IQGAP2: variants seen among roughly 807,000 people sequenced by gnomAD.
The protein encoded by IQGAP2 is IQ motif containing GTPase activating protein 2, also known as ras GTPase-activating-like protein IQGAP2.
IQGAP2 carries 173 observed loss-of-function variants against 201.3 expected under a neutral mutation model. The ratio of observed to expected loss-of-function variants is 0.86; its 90% CI spans 0.76 to 0.98. The LOEUF is 0.98. Ranked by LOEUF, IQGAP2 falls within the 50% of genes least tolerant of loss-of-function variation. IQGAP2 has a pLI of 0.00. For synonymous variants in IQGAP2, 675 were observed against 673.9 expected (o/e 1.00, Z -0.03); for missense variants, 1,687 against 1,864.8 (o/e 0.90, Z 1.76).
chr5:76,455,524 A>G (rs1175701260), intron 1 of IQGAP2, among the ~76,000 whole-genome samples: 2 of 152,070 alleles, frequency 1.3e-5, no homozygotes, highest in Non-Finnish European at 2.9e-5. Context: ...GTAAGTATGA[A>G]AATAGTGTGG....
chr5:76,678,937 C>T (rs896535764), intron 28 of IQGAP2, among the ~76,000 whole-genome samples: 6 of 152,188 alleles, frequency 3.9e-5, no homozygotes, highest in Non-Finnish European at 7.4e-5. Flanking sequence ...ATCAAGCTCT[C>T]AATACATACT....
chr5:76,702,336 T>C (rs900064769), intron 34 of IQGAP2, 146 bp from the exon 35 acceptor site: 3 of 571,114 alleles, frequency 5.3e-6, no homozygotes, highest in Non-Finnish European at 9.4e-6. Context: ...GGGGGAAAGA[T>C]GACGTGAGGT....
At chr5:76,524,057 A>T (rs181023231) in intron 2 of IQGAP2, among the ~76,000 whole-genome samples, 105 of 152,290 alleles carry the variant, frequency 6.9e-4, no homozygotes, top group African/African-American at 2.5e-3. Flanking sequence ...AATCTGGGGC[A>T]TGTGCTGTGA....
At chr5:76,459,767 T>C (rs1393741394) in intron 1 of IQGAP2, among the ~76,000 whole-genome samples, 1 of 152,064 alleles carries the variant, frequency 6.6e-6, no homozygotes, top group African/African-American at 2.4e-5. Context: ...GCCTCCTGAG[T>C]AGCTGGGATT....
At chr5:76,696,539 G>A (rs904115381) in intron 32 of IQGAP2, among the ~76,000 whole-genome samples, 1 of 151,854 alleles carries the variant, frequency 6.6e-6, no homozygotes, top group Non-Finnish European at 1.5e-5. Flanking sequence ...ATTCAAACAT[G>A]CAAATTAATA....
rs752084304 is a variant in IQGAP2, at chr5:76,637,118, G to A, written c.1865G>A (p.Trp622Ter). The change falls in exon 16 of 36, where the codon TGG (tryptophan) becomes TAG (stop). Residue 622 changes from tryptophan (W) to a stop codon, truncating the protein, a stop_gained. Transcript: ENST00000274364. LOFTEE classifies it high-confidence loss of function. ...YYNTDSKESS[W>*]VTPESCLYKE... ...AACACTGATTCAAAAGAGAGTTCCT[G>A]GGTCACACCTGAATCATGCTTGTAT... 6.2e-7 allele frequency: 1 copy of A among 1,611,644 alleles called. No individual in the cohort carries two copies. The highest frequency in any genetic ancestry group is 8.5e-7 in the Non-Finnish European group (1 of 1,178,350).
chr5:76,548,606 T>C (rs1375401427), intron 2 of IQGAP2, among the ~76,000 whole-genome samples: 3 of 152,232 alleles, frequency 2.0e-5, no homozygotes, highest in Non-Finnish European at 2.9e-5. Flanking sequence ...GCTTACTAGC[T>C]GTGTAATCTT....
At chr5:76,598,586 G>A (rs1473905587) in intron 10 of IQGAP2, among the ~76,000 whole-genome samples, 1 of 152,146 alleles carries the variant, frequency 6.6e-6, no homozygotes, top group Non-Finnish European at 1.5e-5. Context: ...TAGATATGGG[G>A]CCCAAACATC....
Position 76,665,144 on chromosome 5 carries a change from A to G in IQGAP2, c.2648A>G (p.Glu883Gly). The change falls in exon 22 of 36, where the codon GAA (glutamate) becomes GGA (glycine). Residue 883 changes from glutamate to glycine, a missense_variant. Glu to Gly is a moderately conservative substitution (Grantham distance 98, BLOSUM62 -2). Coordinates refer to ENST00000274364, the MANE Select transcript of IQGAP2 (RefSeq NM_006633.5). Reference protein sequence around the residue: ...SLSKERRKTLETYQQLFYLLQ... With the variant: ...SLSKERRKTLGTYQQLFYLLQ... ...AGTAAGGAGAGGAGAAAAACACTAG[A>G]AACATATCAGCAGCTGTTTTACCTT... is the stretch of plus-strand genomic sequence containing the variant. 2 of 1,613,772 alleles carry G rather than the reference A, an allele frequency of 1.2e-6. No homozygotes were observed. The highest frequency in any genetic ancestry group is 8.5e-7 in the Non-Finnish European group (1 of 1,179,778).
At chr5:76,618,232 A>G (rs1749204470) in intron 13 of IQGAP2, 2 of 1,614,070 alleles carry the variant, frequency 1.2e-6, no homozygotes, top group Admixed American at 3.3e-5. Context: ...CCAAATACCC[A>G]GTTGTTCCCA....
At chr5:76,683,671 T>G in intron 29 of IQGAP2, 105 bp from the exon 30 acceptor site, 1 of 1,082,098 alleles carries the variant, frequency 9.2e-7, no homozygotes, top group South Asian at 1.9e-5. Flanking sequence ...GATCTCCCAT[T>G]TAATTACCAA....
chr5:76,607,396 G>A (rs1747885559), intron 12 of IQGAP2: 1 of 152,132 alleles, frequency 6.6e-6, no homozygotes, highest in South Asian at 2.1e-4. Flanking sequence ...ACAGGATCCA[G>A]GTGTGCTACC....
chr5:76,663,541 G>A (rs1743460299), intron 21 of IQGAP2, among the ~76,000 whole-genome samples: 1 of 152,162 alleles, frequency 6.6e-6, no homozygotes, highest in African/African-American at 2.4e-5. Flanking sequence ...CTTTAAAAGT[G>A]GAATAGAATA....
At chr5:76,645,214 G>C (rs1313506081) in intron 17 of IQGAP2, among the ~76,000 whole-genome samples, 1 of 152,192 alleles carries the variant, frequency 6.6e-6, no homozygotes, top group Non-Finnish European at 1.5e-5. Context: ...ATTCCATGGT[G>C]TATGTGTGCC....
intron 1 of IQGAP2, among the ~76,000 whole-genome samples, chr5:76,418,033 C>T (rs1561356184): frequency 6.6e-6 from 1 of 151,138 alleles, no homozygotes; most frequent in African/African-American, 2.4e-5. Context: ...ATGGTGAACC[C>T]CTGTCTCTAC....
intron 2 of IQGAP2, among the ~76,000 whole-genome samples, chr5:76,509,984 CT>C (rs11331690): frequency 0.33 from 46,196 of 137,962 alleles, 6,591 homozygotes; most frequent in Middle Eastern, 0.5. Flanking sequence ...AATTTTCTTT[CT>C]TTTTTTTTTT....
intron 15 of IQGAP2, 40 bp from the exon 16 acceptor site, chr5:76,636,994 C>T (rs1751184188): frequency 6.6e-7 from 1 of 1,507,404 alleles, no homozygotes; most frequent in Non-Finnish European, 9.0e-7. Flanking sequence ...TTTAAGGGTT[C>T]ACTGTGTCTG....
At chr5:76,561,110 TCA>T (rs1353503107) in intron 2 of IQGAP2, among the ~76,000 whole-genome samples, 1 of 152,220 alleles carries the variant, frequency 6.6e-6, no homozygotes, top group Non-Finnish European at 1.5e-5. Context: ...TGAGATTTCA[TCA>T]CACTACTCAG....
intron 2 of IQGAP2, among the ~76,000 whole-genome samples, chr5:76,475,878 C>A (rs941280583): frequency 3.9e-5 from 6 of 152,146 alleles, no homozygotes; most frequent in African/African-American, 1.4e-4. Flanking sequence ...TTCCTTTGGC[C>A]TCTGCATGGG....
Sources: gnomAD v4.1 joint callset for allele counts (sites outside exome capture counted in the v4.1 genomes callset) on GRCh38, gnomAD v4.1.1 for gene constraint, MANE v1.5 for transcripts, NCBI Gene and HGNC (gene_info 2026-07-23, HGNC 2026-07-21) for gene names.